The following METAP1D variants were observed in gnomAD, a reference collection of about 807,000 sequenced individuals.
The protein encoded by METAP1D is methionyl aminopeptidase type 1D, mitochondrial, also known as methionine aminopeptidase 1D, mitochondrial.
In METAP1D, 31 loss-of-function variants were observed where a neutral mutation model predicts 40.5. The observed-to-expected ratio is 0.77, with a 90% CI of 0.58 to 1.03. The LOEUF is 1.03. Ranked by LOEUF, METAP1D falls within the 50% of genes least tolerant of loss-of-function variation. METAP1D has a pLI of 0.00. For synonymous variants in METAP1D, 151 were observed against 146.4 expected (o/e 1.03, Z -0.22); for missense variants, 411 against 420.7 (o/e 0.98, Z 0.20).
Position 172,042,947 on chromosome 2 carries a change from G to A in METAP1D, c.41-18551G>A, listed in dbSNP as rs1382648596. Among the ~76,000 whole-genome samples, 21 of 126,852 alleles carry A rather than the reference G, an allele frequency of 1.7e-4. 1 individual carries two copies. Among genetic ancestry groups the A allele is most frequent in the African/African-American group, 4.2e-4 (16 of 38,040 alleles). The allele number at this position is 126,852 out of a possible 152,430, so 83.2% of individuals were successfully genotyped here. On this transcript the variant is annotated intron_variant, in intron 1 of 9. Transcript: ENST00000315796. Reference sequence around the variant, plus strand: ...TGCGTACATGTGTATACACGTATGCGTACCTGTGTATATATATGCGTACAT... The same window carrying A: ...TGCGTACATGTGTATACACGTATGCATACCTGTGTATATATATGCGTACAT...
chr2:172,007,165 ATTT>A (rs139762342), intron 1 of METAP1D, among the ~76,000 whole-genome samples: 2 of 134,318 alleles, frequency 1.5e-5, no homozygotes, highest in African/African-American at 2.9e-5. Context: ...ATGTCATGTA[ATTT>A]TTTTTTTTTT....
intron 1 of METAP1D, among the ~76,000 whole-genome samples, chr2:172,040,507 G>A (rs2105432986): frequency 6.6e-6 from 1 of 152,318 alleles, no homozygotes; most frequent in African/African-American, 2.4e-5. Flanking sequence ...GGGAGCAATA[G>A]TGAGAGGATT....
intron 1 of METAP1D, among the ~76,000 whole-genome samples, chr2:172,005,328 A>G (rs1199838629): frequency 6.6e-6 from 1 of 151,570 alleles, no homozygotes; most frequent in African/African-American, 2.4e-5. Flanking sequence ...CCTAGAGTTC[A>G]TTATATTGCT....
At chr2:172,012,523 C>G (rs1453813006) in intron 1 of METAP1D, among the ~76,000 whole-genome samples, 2 of 152,206 alleles carry the variant, frequency 1.3e-5, no homozygotes, top group Non-Finnish European at 2.9e-5. Context: ...TCACTGGTCA[C>G]TTTTACCAAA....
rs1688875735 is a variant in METAP1D at position 172,016,720 on chromosome 2, G to T, written c.40+16711G>T. ...CACTCCCCCTTAAAATCTTTTCTTGGCTTCTCATTGTAGTCACTGTAAGTT... is the reference window on the plus strand; with the variant it reads ...CACTCCCCCTTAAAATCTTTTCTTGTCTTCTCATTGTAGTCACTGTAAGTT... On this transcript the variant is annotated intron_variant, in intron 1 of 9. Coordinates refer to ENST00000315796, the MANE Select transcript of METAP1D (RefSeq NM_199227.3). Among the ~76,000 whole-genome samples, 4 of 151,772 alleles carry T rather than the reference G, an allele frequency of 2.6e-5. No individual in the cohort carries two copies. The South Asian group carries it at 6.2e-4, about 24-fold the overall frequency.
chr2:172,037,718 A>AC (rs1689428038), intron 1 of METAP1D, among the ~76,000 whole-genome samples: 1 of 152,170 alleles, frequency 6.6e-6, no homozygotes, highest in South Asian at 2.1e-4. Context: ...TGGGTTCTGA[A>AC]CACTTAATAT....
intron 1 of METAP1D, among the ~76,000 whole-genome samples, chr2:172,055,169 T>A (rs1299268317): frequency 6.6e-6 from 1 of 152,198 alleles, no homozygotes; most frequent in Admixed American, 6.5e-5. Flanking sequence ...CAAATAGCTT[T>A]ACCAAAACAC....
At chr2:172,026,110 C>T (rs1689114830) in intron 1 of METAP1D, among the ~76,000 whole-genome samples, 1 of 152,004 alleles carries the variant, frequency 6.6e-6, no homozygotes. Flanking sequence ...AAACATATTC[C>T]CATGTTGCAT....
rs567315002 is a variant in METAP1D, at chr2:172,030,841, A to G, written c.41-30657A>G. On this transcript the variant is annotated intron_variant, in intron 1 of 9. Coordinates refer to ENST00000315796, the MANE Select transcript of METAP1D (RefSeq NM_199227.3). ...AAAGAATGTCTTAATTCTACAGTTA[A>G]GCTCACTCACATGTATGTATGTCTC... Among the ~76,000 whole-genome samples, 32 of 152,328 alleles carry G rather than the reference A, an allele frequency of 2.1e-4. No individual in the cohort carries two copies. The South Asian group carries it at 6.6e-3, about 32-fold the overall frequency.
intron 1 of METAP1D, among the ~76,000 whole-genome samples, chr2:172,011,304 C>T (rs1359700717): frequency 2.4e-5 from 3 of 127,050 alleles, no homozygotes; most frequent in South Asian, 2.6e-4. Flanking sequence ...TTTTTTTTGG[C>T]GATGGAGTCT....
intron 8 of METAP1D, 126 bp downstream of exon 8, chr2:172,079,388 A>ACTGGAAAT (rs1206706621): frequency 2.4e-6 from 2 of 833,862 alleles, no homozygotes; most frequent in Non-Finnish European, 4.0e-6. Flanking sequence ...ATTCGGATGC[A>ACTGGAAAT]CTGGAAATCT....
intron 1 of METAP1D, among the ~76,000 whole-genome samples, chr2:172,037,226 C>G (rs1349107754): frequency 6.6e-6 from 1 of 151,314 alleles, no homozygotes; most frequent in Non-Finnish European, 1.5e-5. Flanking sequence ...CGTGCCGTTG[C>G]ACTCCAGCCT....
At chr2:172,012,110 A>C (rs1009685320) in intron 1 of METAP1D, among the ~76,000 whole-genome samples, 1 of 152,218 alleles carries the variant, frequency 6.6e-6, no homozygotes, top group Non-Finnish European at 1.5e-5. Context: ...GGTCCCACAC[A>C]CCCTGTCTCT....
chr2:172,037,780 G>T (rs974536294), intron 1 of METAP1D, among the ~76,000 whole-genome samples: 1 of 152,218 alleles, frequency 6.6e-6, no homozygotes, highest in South Asian at 2.1e-4. Flanking sequence ...TAGTCCTCCA[G>T]AGCCACCATG....
chr2:172,050,226 T>C (rs977733074), intron 1 of METAP1D, among the ~76,000 whole-genome samples: 16 of 152,218 alleles, frequency 1.1e-4, no homozygotes, highest in African/African-American at 3.6e-4. Flanking sequence ...ATATGAAGAC[T>C]AAAATCATGC....
intron 1 of METAP1D, among the ~76,000 whole-genome samples, chr2:172,022,086 T>A (rs1456095566): frequency 6.6e-6 from 1 of 152,216 alleles, no homozygotes; most frequent in East Asian, 1.9e-4. Flanking sequence ...TGTTACCTGG[T>A]GGCGCCTATA....
chr2:172,073,851 C>T (rs1414553779), intron 6 of METAP1D, among the ~76,000 whole-genome samples: 2 of 152,292 alleles, frequency 1.3e-5, no homozygotes, highest in African/African-American at 4.8e-5. Flanking sequence ...CCATCTTTTG[C>T]GTAGCCTCTC....
At chr2:172,024,804 G>T (rs1689090626) in intron 1 of METAP1D, among the ~76,000 whole-genome samples, 1 of 141,718 alleles carries the variant, frequency 7.1e-6, no homozygotes, top group Non-Finnish European at 1.6e-5. Context: ...ATCTTGAAGG[G>T]TCAAAAGGAT....
chr2:172,035,470 A>G (rs543771847), intron 1 of METAP1D, among the ~76,000 whole-genome samples: 1 of 151,784 alleles, frequency 6.6e-6, no homozygotes, highest in East Asian at 2.0e-4. Flanking sequence ...GGCCTACTGT[A>G]CTGTGTTTTA....
Sources: gnomAD v4.1 joint callset for allele counts (sites outside exome capture counted in the v4.1 genomes callset) on GRCh38, gnomAD v4.1.1 for gene constraint, MANE v1.5 for transcripts, NCBI Gene and HGNC (gene_info 2026-07-23, HGNC 2026-07-21) for gene names.